The following ITGB4 variants were observed in gnomAD, a reference collection of about 807,000 sequenced individuals.
ITGB4 encodes the protein integrin subunit beta 4.
A neutral mutation model predicts 207.6 loss-of-function variants in ITGB4; 159 were observed. The observed-to-expected ratio is 0.77, with a 90% confidence interval of 0.67 to 0.87. The LOEUF is 0.87. Among genes scored for constraint, ITGB4 ranks in the 40% least tolerant of loss-of-function variants. The pLI, the probability that ITGB4 is intolerant of heterozygous loss-of-function variation, is 0.00. For synonymous variants in ITGB4, 1,020 were observed against 1,062.7 expected, an observed-to-expected ratio of 0.96 and a Z score of 0.78; for missense variants, 2,278 against 2,546.8, an observed-to-expected ratio of 0.89 and a Z score of 2.27.
intron 26 of ITGB4, among the ~76,000 whole-genome samples, chr17:75,745,734 C>A (rs2061218494): frequency 6.6e-6 from 1 of 152,054 alleles, no homozygotes. Context: ...CAAAAATTAG[C>A]TGGGCATGGT....
chr17:75,729,909 C>T lies in ITGB4; in HGVS notation c.739-332C>T, dbSNP rs527476159. On this transcript the variant is annotated intron_variant, in intron 7 of 39. Coordinates refer to ENST00000200181, the MANE Select transcript of ITGB4 (RefSeq NM_000213.5). This position sits in a 1 kb window ranked among gnomAD's most constrained non-coding sequence, Gnocchi z 4.4. The stretch of plus-strand genomic sequence containing the variant: ...CTGTAATCCCAGCACTTTGGGAGGC[C>T]GAGGCGGGGGGATTGCTTGAATTCA... 4.6e-4 allele frequency among the ~76,000 whole-genome samples: 70 copies of T among 152,262 alleles called. No individual in the cohort carries two copies. Among genetic ancestry groups the T allele is most frequent in the African/African-American group, 1.4e-3 (58 of 41,536 alleles).
rs1464682169 is a variant in ITGB4 at position 75,727,912 on chromosome 17, G to A, written c.469+57G>A. Reference sequence around the variant, plus strand: ...GCAGGAGGGGGACAGGTGGGCGTCTGCTTGGGAGGCCAGGACTCAGGACAG... The same window carrying A: ...GCAGGAGGGGGACAGGTGGGCGTCTACTTGGGAGGCCAGGACTCAGGACAG... On this transcript the variant is annotated intron_variant, in intron 5 of 39. Transcript: ENST00000200181. This position sits in a 1 kb window ranked among gnomAD's most constrained non-coding sequence, Gnocchi z 6.0. The A allele has an allele frequency of 6.5e-7, 1 of 1,535,414 alleles. No homozygotes were observed. Among genetic ancestry groups the A allele is most frequent in the East Asian group, 2.3e-5 (1 of 44,398 alleles).
chr17:75,743,249 T>C (rs2143164542), intron 25 of ITGB4, among the ~76,000 whole-genome samples: 2 of 152,256 alleles, frequency 1.3e-5, no homozygotes, highest in East Asian at 3.9e-4. Context: ...TTTTTTTTTC[T>C]TGGGACAGAG....
chr17:75,750,096 A>C lies in ITGB4; in HGVS notation c.3317-15A>C. Reference sequence around the variant, plus strand: ...GGGATCTGAGTGGTTGCCCGGCCCCAACCTGACCCGTTAGATGAACTGGAC... The same window carrying C: ...GGGATCTGAGTGGTTGCCCGGCCCCCACCTGACCCGTTAGATGAACTGGAC... On this transcript the variant is annotated splice_polypyrimidine_tract_variant and intron_variant, in intron 27 of 39. Transcript: ENST00000200181. This position sits in a 1 kb window ranked among gnomAD's most constrained non-coding sequence, Gnocchi z 5.5. 1.2e-6 allele frequency: 2 copies of C among 1,613,454 alleles called. No individual in the cohort carries two copies. Among genetic ancestry groups the C allele is most frequent in the Non-Finnish European group, 1.7e-6 (2 of 1,179,996 alleles).
chr17:75,757,538 C>G lies in ITGB4; in HGVS notation c.5452C>G (p.Gln1818Glu), dbSNP rs770279787. The change falls in exon 40 of 40, where the codon CAG becomes GAG. Residue 1818 changes from glutamine (Q) to glutamate (E), a missense_variant. Gln to Glu is a conservative substitution (Grantham distance 29). Coordinates refer to ENST00000200181, the MANE Select transcript of ITGB4 (RefSeq NM_000213.5). ...AACCCTTAGCACCCACATGGACCAA[C>G]AGTTCTTCCAAACTTGACCGCACCC... is the stretch of plus-strand genomic sequence containing the variant. ...SGTLSTHMDQQFFQT is the reference protein window; with the variant it reads ...SGTLSTHMDQEFFQT 7 of 1,613,472 alleles carry G rather than the reference C, an allele frequency of 4.3e-6. No homozygotes were observed. The highest frequency in any genetic ancestry group is 3.3e-4 in the Middle Eastern group (2 of 6,062).
In ITGB4 at chr17:75,754,711, C is replaced by T. The variant is rs749661501; in HGVS notation, c.4454C>T (p.Ser1485Phe). 4 of 1,614,046 alleles carry T rather than the reference C, an allele frequency of 2.5e-6. No individual in the cohort carries two copies. In the Admixed American group the frequency reaches 5.0e-5, roughly 20 times the overall value. The change falls in exon 34 of 40, where the codon TCC becomes TTC. Residue 1485 changes from serine to phenylalanine, a missense_variant. Transcript: ENST00000200181. ...PHVPHRVLSTSSTLTRDYNSL... is the reference protein window; with the variant it reads ...PHVPHRVLSTFSTLTRDYNSL... ...GTGCCCCACCGCGTGCTAAGCACAT[C>T]CTCCACCCTCACACGGGACTACAAC... is the stretch of plus-strand genomic sequence containing the variant.
At position 75,740,252 on chromosome 17, in the gene ITGB4, A is replaced by G; in HGVS notation, c.2447-106A>G. 1 of 1,268,978 alleles carries G rather than the reference A, an allele frequency of 7.9e-7. No individual in the cohort carries two copies. The highest frequency in any genetic ancestry group is 1.1e-6 in the Non-Finnish European group (1 of 893,858). 78.6% of individuals were successfully genotyped at this position (1,268,978 alleles called of 1,614,324 possible). A position where few individuals can be genotyped will look rare whatever the true frequency, so the allele number is the denominator to read the frequency against. On this transcript the variant is annotated intron_variant, in intron 20 of 39. Transcript: ENST00000200181. The surrounding 1 kb of genome is among the most constrained non-coding windows in gnomAD (Gnocchi z 5.9). ...CCTCGGTGTGCGTGGCCTGCTGGCC[A>G]GGCATCCCCTGATCCTAGCATGGTT... is the stretch of plus-strand genomic sequence containing the variant.
In ITGB4 at chr17:75,757,441, C is replaced by T. The variant is rs1363024019; in HGVS notation, c.5355C>T (p.His1785=). The change falls in exon 40 of 40, where the codon CAC becomes CAT. Residue 1785 remains histidine (H), a synonymous_variant. Coordinates refer to ENST00000200181, the MANE Select transcript of ITGB4 (RefSeq NM_000213.5). ...LVDGLTLGAQ[H]LEAGGSLTRH... ...ATGGGCTGACCCTGGGGGCCCAGCA[C>T]CTGGAGGCAGGCGGCTCCCTCACCC... 1.2e-6 allele frequency: 2 copies of T among 1,613,250 alleles called. No individual in the cohort carries two copies. The highest frequency in any genetic ancestry group is 8.5e-7 in the Non-Finnish European group (1 of 1,180,012).
At chr17:75,755,906 G>A (rs950716066) in intron 35 of ITGB4, 56 bp downstream of exon 35, 3 of 1,574,320 alleles carry the variant, frequency 1.9e-6, no homozygotes, top group Admixed American at 3.5e-5. Flanking sequence ...CCTGGCCCCA[G>A]TGTGACACAT....
chr17:75,749,598 C>G (rs2061319611), intron 27 of ITGB4, among the ~76,000 whole-genome samples: 3 of 152,224 alleles, frequency 2.0e-5, no homozygotes, highest in Non-Finnish European at 2.9e-5. Context: ...TATCTGGCAA[C>G]CCTACAGCTA....
rs2061429326 is a variant in ITGB4, at chr17:75,753,990, G to A, written c.4318+16G>A. On this transcript the variant is annotated intron_variant, in intron 33 of 39. Transcript: ENST00000200181. Reference sequence around the variant, plus strand: ...CCCCCCGGAGGTGACAGGCTCACCCGCCGCCCCCCGATCCGCGCCCACCCA... The same window carrying A: ...CCCCCCGGAGGTGACAGGCTCACCCACCGCCCCCCGATCCGCGCCCACCCA... 2 of 1,119,404 alleles carry A rather than the reference G, an allele frequency of 1.8e-6. No individual in the cohort carries two copies. Among genetic ancestry groups the A allele is most frequent in the South Asian group, 3.6e-5 (1 of 28,134 alleles). 69.3% of individuals were successfully genotyped at this position (1,119,404 alleles called of 1,614,324 possible).
chr17:75,727,203 T>C lies in ITGB4; in HGVS notation c.88T>C (p.Cys30Arg), dbSNP rs1328578813. The C allele has an allele frequency of 6.2e-7, 1 of 1,613,894 alleles. No individual in the cohort carries two copies. The highest frequency in any genetic ancestry group is 8.5e-7 in the Non-Finnish European group (1 of 1,179,966). Residue 30 changes from cysteine to arginine, a missense_variant, in exon 3 of 40, where the codon TGC (cysteine) becomes CGC (arginine). Coordinates refer to ENST00000200181, the MANE Select transcript of ITGB4 (RefSeq NM_000213.5). The surrounding 1 kb of genome is among the most constrained non-coding windows in gnomAD (Gnocchi z 6.0). ...VSLSGTLANR[C>R]KKAPVKSCTE... ...CACATCTGTCCCCCCAGCAAACCGC[T>C]GCAAGAAGGCCCCAGTGAAGAGCTG...
At chr17:75,743,357 C>G (rs556627125) in intron 25 of ITGB4, among the ~76,000 whole-genome samples, 7 of 152,286 alleles carry the variant, frequency 4.6e-5, no homozygotes, top group South Asian at 2.1e-4. Context: ...CTCAGCCTCC[C>G]GAGTAGCTGG....
intron 8 of ITGB4, 151 bp from the exon 9 acceptor site, chr17:75,730,724 C>T: frequency 2.0e-6 from 2 of 977,496 alleles, no homozygotes; most frequent in Non-Finnish European, 3.2e-6. Context: ...TCCACCCCAA[C>T]TCCCAAGCAG....
At chr17:75,757,144 T>C (rs759425421) in intron 38 of ITGB4, 37 bp downstream of exon 38, 6 of 1,612,190 alleles carry the variant, frequency 3.7e-6, no homozygotes, top group Non-Finnish European at 5.1e-6. Flanking sequence ...CCACCCCTCC[T>C]CGGGCCGTGC....
Position 75,752,281 on chromosome 17 carries a change from C to T in ITGB4, c.3901C>T (p.Arg1301Cys), listed in dbSNP as rs762850116. The T allele has an allele frequency of 2.7e-5, 43 of 1,613,262 alleles. No homozygotes were observed. The highest frequency in any genetic ancestry group is 1.6e-4 in the East Asian group (7 of 44,894). ...SQPYRYTVKA[R>C]NGAGWGPERE... ...GCCCTACCGCTACACGGTGAAGGCGCGCAACGGGGCCGGCTGGGGGCCTGA... is the reference window on the plus strand; with the variant it reads ...GCCCTACCGCTACACGGTGAAGGCGTGCAACGGGGCCGGCTGGGGGCCTGA... The change falls in exon 31 of 40, where the codon CGC (arginine) becomes TGC (cysteine). Residue 1301 changes from arginine (R) to cysteine (C), a missense_variant. Transcript: ENST00000200181.
At position 75,732,221 on chromosome 17, in the gene ITGB4, G is replaced by C; in HGVS notation, c.1436G>C (p.Cys479Ser). ...AACGGAGACTTCGTGTGCGGACAGT[G>C]TGTGTGCAGCGAGGGCTGGTGAGTG... ...SFNGDFVCGQ[C>S]VCSEGWSGQT... The change falls in exon 12 of 40, where the codon TGT becomes TCT. Residue 479 changes from cysteine (C) to serine (S), a missense_variant. Transcript: ENST00000200181. The surrounding 1 kb of genome is among the most constrained non-coding windows in gnomAD (Gnocchi z 5.3). 2 of 1,614,074 alleles carry C rather than the reference G, an allele frequency of 1.2e-6. No homozygotes were observed. The highest frequency in any genetic ancestry group is 1.3e-5 in the African/African-American group (1 of 75,056).
chr17:75,731,096 G>A lies in ITGB4; in HGVS notation c.1092+132G>A, dbSNP rs1362992595. On this transcript the variant is annotated intron_variant, in intron 9 of 39. Coordinates refer to ENST00000200181, the MANE Select transcript of ITGB4 (RefSeq NM_000213.5). This position sits in a 1 kb window ranked among gnomAD's most constrained non-coding sequence, Gnocchi z 6.8. Reference sequence around the variant, plus strand: ...ACAGACCAGTGAGGAAGGGTCTCTAGCTATCCCTGAGGCCCCGAGGGGCCA... The same window carrying A: ...ACAGACCAGTGAGGAAGGGTCTCTAACTATCCCTGAGGCCCCGAGGGGCCA... 1 of 1,435,322 alleles carries A rather than the reference G, an allele frequency of 7.0e-7. No individual in the cohort carries two copies. Among genetic ancestry groups the A allele is most frequent in the East Asian group, 2.3e-5 (1 of 43,516 alleles). 88.9% of individuals were successfully genotyped at this position (1,435,322 alleles called of 1,614,324 possible). A position where few individuals can be genotyped will look rare whatever the true frequency, so the allele number is the denominator to read the frequency against.
chr17:75,731,004 G>A lies in ITGB4; in HGVS notation c.1092+40G>A. The A allele has an allele frequency of 6.3e-7, 1 of 1,576,894 alleles. No individual in the cohort carries two copies. The highest frequency in any genetic ancestry group is 8.7e-7 in the Non-Finnish European group (1 of 1,146,960). On this transcript the variant is annotated intron_variant, in intron 9 of 39. Coordinates refer to ENST00000200181, the MANE Select transcript of ITGB4 (RefSeq NM_000213.5). This position sits in a 1 kb window ranked among gnomAD's most constrained non-coding sequence, Gnocchi z 6.8. ...GGCTCCAGAGTCTGAGCCCTTCTGG[G>A]GCAGGGCAGGAAGTGGGCAGGGTGG... is the stretch of plus-strand genomic sequence containing the variant.
Sources: allele counts gnomAD v4.1 joint callset (sites outside exome capture counted in the v4.1 genomes callset), GRCh38; gene constraint gnomAD v4.1.1; non-coding constraint Gnocchi (gnomAD v3.1); transcripts MANE v1.5; gene names NCBI Gene and HGNC (gene_info 2026-07-23, HGNC 2026-07-21).